LRRC59: variants seen among roughly 807,000 people sequenced by gnomAD.
LRRC59 encodes the protein leucine-rich repeat-containing protein 59.
Under a neutral mutation model 33.5 loss-of-function variants are expected in LRRC59, and 18 were observed. The observed-to-expected ratio is 0.54, with a 90% CI of 0.37 to 0.80. The LOEUF (loss-of-function observed/expected upper bound fraction) is 0.80. LRRC59 is among the 30% of genes least tolerant of loss of function. The probability of loss-of-function intolerance (pLI) is 0.00; values close to 1 mark genes in which losing one functional copy is unlikely to be tolerated. For synonymous variants in LRRC59, 138 were observed against 160.0 expected (o/e 0.86, Z 1.04); for missense variants, 330 against 391.9 (o/e 0.84, Z 1.33).
In LRRC59 at chr17:50,382,938, A is replaced by C; in HGVS notation, c.*50T>G. The stretch of plus-strand genomic sequence containing the variant: ...GTTGTGTCCAGCAGAACCCAATTCC[A>C]TAGGAATCCAAACTCCAAGGCTGGG... On this transcript the variant is annotated 3_prime_UTR_variant, in exon 7 of 7. Transcript: ENST00000225972. 6.3e-7 allele frequency: 1 copy of C among 1,591,242 alleles called. No homozygotes were observed. Among genetic ancestry groups the C allele is most frequent in the Non-Finnish European group, 8.6e-7 (1 of 1,167,392 alleles).
chr17:50,392,282 C>T (rs1282075738), intron 4 of LRRC59, 116 bp downstream of exon 4: 4 of 722,094 alleles, frequency 5.5e-6, no homozygotes, highest in East Asian at 2.5e-5. Context: ...ATATTTCACT[C>T]GGACCTGAAT....
chr17:50,384,287 A>G (rs906639584), intron 6 of LRRC59, among the ~76,000 whole-genome samples: 1 of 151,984 alleles, frequency 6.6e-6, no homozygotes, highest in African/African-American at 2.4e-5. Flanking sequence ...CAGCCTCCCA[A>G]GTAGCTGGGA....
At chr17:50,394,326 G>T (rs1914220114) in intron 2 of LRRC59, among the ~76,000 whole-genome samples, 1 of 152,114 alleles carries the variant, frequency 6.6e-6, no homozygotes. Context: ...GGGGCTGAAT[G>T]AATCCACTGT....
intron 1 of LRRC59, chr17:50,396,410 G>GTAA: frequency 6.6e-6 from 1 of 152,376 alleles, no homozygotes; most frequent in East Asian, 1.9e-4. Context: ...TCTAACCACT[G>GTAA]TAATACCCGT....
chr17:50,386,054 CAAAGA>C (rs1913993720), intron 5 of LRRC59: 1 of 151,716 alleles, frequency 6.6e-6, no homozygotes, highest in Admixed American at 6.6e-5. Flanking sequence ...GACCATGCCT[CAAAGA>C]AAATAAAAGA....
intron 5 of LRRC59, chr17:50,386,048 A>G (rs1351283809): frequency 6.6e-6 from 1 of 152,178 alleles, no homozygotes. Flanking sequence ...CAGTGAGACC[A>G]TGCCTCAAAG....
Position 50,392,799 on chromosome 17 carries a change from C to A in LRRC59, c.264G>T (p.Gln88His). 1 of 1,614,168 alleles carries A rather than the reference C, an allele frequency of 6.2e-7. No individual in the cohort carries two copies. The highest frequency in any genetic ancestry group is 8.5e-7 in the Non-Finnish European group (1 of 1,180,018). ...PADFGRLVNL[Q>H]HLDLLNNKLV... is the part of the protein sequence containing the mutation. ...GCTTGTTGTTGAGGAGATCCAGGTG[C>A]TGGAGGTTGACCAGACGGCCAAAGT... Residue 88 changes from glutamine (Q) to histidine (H), a missense_variant, in exon 3 of 7, where the codon CAG becomes CAT. By Grantham distance (24) the Gln-to-His change is conservative (BLOSUM62 0). Coordinates refer to ENST00000225972, the MANE Select transcript of LRRC59 (RefSeq NM_018509.4).
chr17:50,394,934 G>C lies in LRRC59; in HGVS notation c.160C>G (p.Leu54Val). 1 of 1,602,002 alleles carries C rather than the reference G, an allele frequency of 6.2e-7. No individual in the cohort carries two copies. Among genetic ancestry groups the C allele is most frequent in the Non-Finnish European group, 8.5e-7 (1 of 1,171,176 alleles). The change falls in exon 2 of 7, where the codon CTA (leucine) becomes GTA (valine). Residue 54 changes from leucine to valine, a missense_variant. Transcript: ENST00000225972. ...CGGCTGCATGCCAATCTTACCGGTA[G>C]AGTAGTCAGTTTATTACAAGACAGA... ...LDLSCNKLTTLPSDFCGLTHL... is the reference protein window; with the variant it reads ...LDLSCNKLTTVPSDFCGLTHL...
intron 1 of LRRC59, 22 bp downstream of exon 1, chr17:50,397,191 G>C (rs1914296667): frequency 6.5e-7 from 1 of 1,526,764 alleles, no homozygotes; most frequent in African/African-American, 1.4e-5. Context: ...TGGGCGCCTG[G>C]GCCTCGCGGG....
At chr17:50,386,318 A>G (rs1355832334) in intron 5 of LRRC59, 1 of 152,238 alleles carries the variant, frequency 6.6e-6, no homozygotes, top group Non-Finnish European at 1.5e-5. Context: ...GAACACATTC[A>G]GATTTACTCA....
In LRRC59 at chr17:50,392,795, G is replaced by C. The variant is rs200981718; in HGVS notation, c.268C>G (p.Leu90Val). The C allele has an allele frequency of 2.5e-6, 4 of 1,614,164 alleles. No homozygotes were observed. Among genetic ancestry groups the C allele is most frequent in the Non-Finnish European group, 3.4e-6 (4 of 1,180,024 alleles). The change falls in exon 3 of 7, where the codon CTG becomes GTG. Residue 90 changes from leucine to valine, a missense_variant. Physicochemically the swap from Leu to Val is conservative, Grantham distance 32 (BLOSUM62 1). Coordinates refer to ENST00000225972, the MANE Select transcript of LRRC59 (RefSeq NM_018509.4). ...DFGRLVNLQHLDLLNNKLVTL... is the reference protein window; with the variant it reads ...DFGRLVNLQHVDLLNNKLVTL... ...ACCAGCTTGTTGTTGAGGAGATCCA[G>C]GTGCTGGAGGTTGACCAGACGGCCA...
intron 2 of LRRC59, among the ~76,000 whole-genome samples, chr17:50,393,758 G>C (rs1421888848): frequency 6.6e-6 from 1 of 152,236 alleles, no homozygotes; most frequent in Non-Finnish European, 1.5e-5. Flanking sequence ...TGTCAGTACA[G>C]ACAACAGAAC....
rs756584632 is a variant in LRRC59 at position 50,392,381 on chromosome 17, G to A, written c.429+17C>T. ...GGGAGTGTATAAGGAGCCACTGGGA[G>A]GGAGCTTGGTGCTTACCTTGTTTGC... On this transcript the variant is annotated intron_variant, in intron 4 of 6. Coordinates refer to ENST00000225972, the MANE Select transcript of LRRC59 (RefSeq NM_018509.4). 6.2e-7 allele frequency: 1 copy of A among 1,607,482 alleles called. No homozygotes were observed. Among genetic ancestry groups the A allele is most frequent in the Non-Finnish European group, 8.5e-7 (1 of 1,174,342 alleles).
In LRRC59 at chr17:50,381,863, T is replaced by C. The variant is rs553058740; in HGVS notation, c.*1125A>G. 1.3e-4 allele frequency: 20 copies of C among 152,814 alleles called. No individual in the cohort carries two copies. The highest frequency in any genetic ancestry group is 2.6e-4 in the Non-Finnish European group (18 of 68,042). 9.5% of individuals were successfully genotyped at this position (152,814 alleles called of 1,614,324 possible). On this transcript the variant is annotated 3_prime_UTR_variant, in exon 7 of 7. Coordinates refer to ENST00000225972, the MANE Select transcript of LRRC59 (RefSeq NM_018509.4). ...GATGCACCACTTTTCAGCTCCATGA[T>C]GCTACTTGTTTCCCTTCATATCCTG...
chr17:50,385,031 G>T, intron 6 of LRRC59, 87 bp downstream of exon 6: 2 of 1,443,800 alleles, frequency 1.4e-6, no homozygotes, highest in Non-Finnish European at 1.9e-6. Flanking sequence ...AGGTTTGCAG[G>T]CCTGCTCACC....
chr17:50,388,790 C>T (rs1914073460), intron 4 of LRRC59, among the ~76,000 whole-genome samples: 1 of 152,210 alleles, frequency 6.6e-6, no homozygotes, highest in Non-Finnish European at 1.5e-5. Flanking sequence ...CTCCAACACG[C>T]TTTCCTGACT....
chr17:50,391,298 A>G (rs1159426231), intron 4 of LRRC59, among the ~76,000 whole-genome samples: 2 of 152,230 alleles, frequency 1.3e-5, no homozygotes, highest in African/African-American at 4.8e-5. Flanking sequence ...ATTTGTTGTA[A>G]TAAGAGATGA....
rs544284730 is a variant in LRRC59 at position 50,389,346 on chromosome 17, T to C, written c.430-1214A>G. On this transcript the variant is annotated intron_variant, in intron 4 of 6. Transcript: ENST00000225972. ...TTTTTTAAAGGTGGTATTCTTTGGC[T>C]GTAGGGGATAGAGTGTAAGCTTGGA... Among the ~76,000 whole-genome samples the C allele has an allele frequency of 2.2e-4, 33 of 152,318 alleles. No individual in the cohort carries two copies. In the South Asian group the frequency reaches 3.9e-3, roughly 18 times the overall value.
In LRRC59 at chr17:50,382,855, C is replaced by T; in HGVS notation, c.*133G>A. The T allele has an allele frequency of 8.7e-7, 1 of 1,146,848 alleles. No individual in the cohort carries two copies. The highest frequency in any genetic ancestry group is 1.6e-5 in the South Asian group (1 of 62,884). 71.0% of individuals were successfully genotyped at this position (1,146,848 alleles called of 1,614,324 possible). A position where few individuals can be genotyped will look rare whatever the true frequency, so the allele number is the denominator to read the frequency against. ...TGAAGAAGTCCTACAAAGAGGAGGT[C>T]TCATGTACCAATCTGCAGCCATTTG... On this transcript the variant is annotated 3_prime_UTR_variant, in exon 7 of 7. Transcript: ENST00000225972.
Sources: allele counts gnomAD v4.1 joint callset (sites outside exome capture counted in the v4.1 genomes callset), GRCh38; gene constraint gnomAD v4.1.1; transcripts MANE v1.5; gene names NCBI Gene and HGNC (gene_info 2026-07-23, HGNC 2026-07-21).